Variants in MBNL1 observed in about 807,000 individuals in gnomAD.
MBNL1 encodes muscleblind like splicing regulator 1.
MBNL1 carries 8 observed loss-of-function variants against 42.2 expected under a neutral mutation model. The observed-to-expected ratio is 0.19, with a 90% confidence interval of 0.11 to 0.34. The LOEUF (loss-of-function observed/expected upper bound fraction) is 0.34, where lower values mean the gene tolerates loss of function less well. Ranked by LOEUF, MBNL1 falls within the 10% of genes least tolerant of loss-of-function variation. The pLI, the probability that MBNL1 is intolerant of heterozygous loss-of-function variation, is 1.00. For missense variants in MBNL1, 309 were observed against 495.3 expected (o/e 0.62, Z 3.57); for synonymous variants, 169 against 173.9 (o/e 0.97, Z 0.22).
chr3:152,459,386 GTT>G, intron 9 of MBNL1, 41 bp downstream of exon 9: 2 of 1,228,818 alleles, frequency 1.6e-6, no homozygotes, highest in Non-Finnish European at 2.2e-6. Context: ...ATTTGTGGTG[GTT>G]TTTTTTAAGA....
chr3:152,383,140 T>TA (rs2153421320), intron 2 of MBNL1, among the ~76,000 whole-genome samples: 1 of 152,222 alleles, frequency 6.6e-6, no homozygotes, highest in Admixed American at 6.6e-5. Context: ...TCCGAATACT[T>TA]ACAGAGAATG....
intron 2 of MBNL1, among the ~76,000 whole-genome samples, chr3:152,355,580 A>T (rs2095455354): frequency 1.3e-5 from 2 of 152,322 alleles, no homozygotes; most frequent in South Asian, 4.1e-4. Context: ...AGATCATGGA[A>T]TTAACCATTT....
intron 7 of MBNL1, among the ~76,000 whole-genome samples, 182 bp downstream of exon 7, chr3:152,455,759 C>T (rs1348742972): frequency 6.6e-6 from 1 of 152,172 alleles, no homozygotes; most frequent in Non-Finnish European, 1.5e-5. Context: ...GTTTTCTTTA[C>T]ACACAACAGT....
chr3:152,357,165 G>C (rs1257454969), intron 2 of MBNL1, among the ~76,000 whole-genome samples: 1 of 152,144 alleles, frequency 6.6e-6, no homozygotes, highest in Non-Finnish European at 1.5e-5. Context: ...TGTAGTACAA[G>C]CCCAGAGAGA....
intron 2 of MBNL1, among the ~76,000 whole-genome samples, chr3:152,406,104 C>T (rs1049156289): frequency 6.6e-6 from 1 of 152,206 alleles, no homozygotes; most frequent in Non-Finnish European, 1.5e-5. Flanking sequence ...GTCATAGAGA[C>T]TCTGGTTTGG....
chr3:152,385,812 G>A (rs570970399), intron 2 of MBNL1, among the ~76,000 whole-genome samples: 123 of 152,064 alleles, frequency 8.1e-4, no homozygotes, highest in Middle Eastern at 3.4e-3. Flanking sequence ...AAGACTAATA[G>A]CACTATGTCT....
chr3:152,366,932 GAA>G (rs2096408503), intron 2 of MBNL1, among the ~76,000 whole-genome samples: 1 of 152,120 alleles, frequency 6.6e-6, no homozygotes, highest in Admixed American at 6.6e-5. Context: ...GTACAAAAGA[GAA>G]AATAATACAG....
Position 152,298,782 on chromosome 3 carries a change from A to T in MBNL1, c.-789-623A>T, listed in dbSNP as rs1484685625. ...GGTCAGGAGAATGTACCATTTGTAA[A>T]CACCCCTTTCCTTTTTTATTCACGT... is the stretch of plus-strand genomic sequence containing the variant. On this transcript the variant is annotated intron_variant, in intron 1 of 9. Coordinates refer to ENST00000324210, the MANE Select transcript of MBNL1 (RefSeq NM_021038.5). Among the ~76,000 whole-genome samples the T allele has an allele frequency of 1.2e-4, 19 of 152,088 alleles. 1 individual carries two copies. Among genetic ancestry groups the T allele is most frequent in the Non-Finnish European group, 2.8e-4 (19 of 68,010 alleles).
chr3:152,373,447 T>TACA (rs1441199052), intron 2 of MBNL1, among the ~76,000 whole-genome samples: 2 of 150,562 alleles, frequency 1.3e-5, no homozygotes, highest in Non-Finnish European at 3.0e-5. Flanking sequence ...GTGTCAGCAC[T>TACA]CGAGGGAATC....
intron 2 of MBNL1, among the ~76,000 whole-genome samples, chr3:152,349,910 A>T (rs903226162): frequency 3.3e-5 from 5 of 152,098 alleles, no homozygotes; most frequent in African/African-American, 1.2e-4. Flanking sequence ...GATAAGAAAT[A>T]TAGGTGTTAA....
chr3:152,368,776 A>C (rs2096538569), intron 2 of MBNL1, among the ~76,000 whole-genome samples: 1 of 152,134 alleles, frequency 6.6e-6, no homozygotes, highest in Non-Finnish European at 1.5e-5. Context: ...CTTTGTAGCA[A>C]GTGTAAATGG....
At chr3:152,388,019 C>T (rs1025568) in intron 2 of MBNL1, among the ~76,000 whole-genome samples, 8 of 152,086 alleles carry the variant, frequency 5.3e-5, no homozygotes, top group Non-Finnish European at 7.4e-5. Flanking sequence ...TAAAATAATC[C>T]GTTCTCAGAA....
intron 1 of MBNL1, among the ~76,000 whole-genome samples, chr3:152,276,257 T>C (rs1038635502): frequency 8.5e-5 from 13 of 152,192 alleles, no homozygotes; most frequent in Admixed American, 7.9e-4. Flanking sequence ...ACTAACATCT[T>C]TGAATACTTT....
chr3:152,373,989 G>C (rs763407894), intron 2 of MBNL1, among the ~76,000 whole-genome samples: 8 of 152,084 alleles, frequency 5.3e-5, no homozygotes, highest in Non-Finnish European at 8.8e-5. Context: ...TTTTTGGGAG[G>C]AGGGAATAGG....
rs552194341 is a variant in MBNL1 at position 152,456,040 on chromosome 3, A to G, written c.998-227A>G. ...TCAATTTTCTTGATTTGATGGTAAC[A>G]AGCTTTTTTCCCCCTTTTTTTTCTC... On this transcript the variant is annotated intron_variant, in intron 7 of 9. Coordinates refer to ENST00000324210, the MANE Select transcript of MBNL1 (RefSeq NM_021038.5). 3.9e-5 allele frequency among the ~76,000 whole-genome samples: 6 copies of G among 152,150 alleles called. No homozygotes were observed. In the South Asian group the frequency reaches 1.2e-3, roughly 32 times the overall value.
rs116000120 is a variant in MBNL1 at position 152,304,570 on chromosome 3, A to G, written c.174+4203A>G. 5.7e-3 allele frequency among the ~76,000 whole-genome samples: 865 copies of G among 152,336 alleles called. 9 individuals carry two copies. The highest frequency in any genetic ancestry group is 0.02 in the African/African-American group (836 of 41,568). On this transcript the variant is annotated intron_variant, in intron 2 of 9. Transcript: ENST00000324210. Reference sequence around the variant, plus strand: ...TATTAAAACTTTGACAGATTATTATATATACTGTGCTGGCACATATATTCA... The same window carrying G: ...TATTAAAACTTTGACAGATTATTATGTATACTGTGCTGGCACATATATTCA...
chr3:152,425,416 G>C (rs547324183), intron 3 of MBNL1, among the ~76,000 whole-genome samples: 7 of 152,076 alleles, frequency 4.6e-5, no homozygotes, highest in Non-Finnish European at 7.4e-5. Context: ...AGACCATCCT[G>C]GTTAACACAG....
At chr3:152,323,023 G>A (rs1277634333) in intron 2 of MBNL1, among the ~76,000 whole-genome samples, 2 of 152,056 alleles carry the variant, frequency 1.3e-5, no homozygotes, top group Non-Finnish European at 2.9e-5. Context: ...CTTGCCACAT[G>A]CCAAAAATGG....
intron 2 of MBNL1, among the ~76,000 whole-genome samples, chr3:152,387,771 A>G (rs1268759358): frequency 1.3e-5 from 2 of 152,118 alleles, no homozygotes; most frequent in African/African-American, 4.8e-5. Flanking sequence ...TTATAATTAT[A>G]TTTAAAAGAA....
Sources: allele counts gnomAD v4.1 joint callset (sites outside exome capture counted in the v4.1 genomes callset), GRCh38; gene constraint gnomAD v4.1.1; transcripts MANE v1.5; gene names NCBI Gene and HGNC (gene_info 2026-07-23, HGNC 2026-07-21).